The following SLIT2 variants were observed in gnomAD, a reference collection of about 807,000 sequenced individuals.
SLIT2 encodes the protein slit guidance ligand 2, also known as slit homolog 2 protein.
In SLIT2, 41 loss-of-function variants were observed where a neutral mutation model predicts 185.7. The observed-to-expected ratio is 0.22, with a 90% CI of 0.17 to 0.29. SLIT2 has a LOEUF of 0.29. Ranked by LOEUF, SLIT2 falls within the 10% of genes least tolerant of loss-of-function variation. The pLI, the probability that SLIT2 is intolerant of heterozygous loss-of-function variation, is 1.00. For missense variants in SLIT2, 1,571 were observed against 1,909.0 expected, an observed-to-expected ratio of 0.82 and a Z score of 3.30; for synonymous variants, 693 against 680.2, an observed-to-expected ratio of 1.02 and a Z score of -0.29.
At chr4:20,583,265 TC>T (rs1159078299) in intron 29 of SLIT2, among the ~76,000 whole-genome samples, 2 of 152,110 alleles carry the variant, frequency 1.3e-5, no homozygotes, top group Non-Finnish European at 2.9e-5. Flanking sequence ...TTGGTAGAGG[TC>T]CCCATTCATA....
At chr4:20,333,281 GCTAA>G (rs1189457599) in intron 4 of SLIT2, among the ~76,000 whole-genome samples, 1 of 152,086 alleles carries the variant, frequency 6.6e-6, no homozygotes, top group Non-Finnish European at 1.5e-5. Context: ...TTGGATCTGT[GCTAA>G]CTTTCTCGTC....
At chr4:20,480,259 G>GCT (rs1381458288) in intron 5 of SLIT2, among the ~76,000 whole-genome samples, 1 of 152,140 alleles carries the variant, frequency 6.6e-6, no homozygotes, top group Non-Finnish European at 1.5e-5. Flanking sequence ...AAGTAGTCTT[G>GCT]CTCTCTCATG....
chr4:20,268,850 C>A lies in SLIT2; in HGVS notation c.364C>A (p.Leu122Met). ...RNHLQLFPEL[L>M]FLGTAKLYRL... Reference sequence around the variant, plus strand: ...TCACCTTCAGCTGTTTCCTGAGTTGCTGTTTCTTGGGACTGCGAAGCTATA... The same window carrying A: ...TCACCTTCAGCTGTTTCCTGAGTTGATGTTTCTTGGGACTGCGAAGCTATA... The change falls in exon 4 of 37, where the codon CTG becomes ATG. Residue 122 changes from leucine to methionine, a missense_variant. This residue lies in a region of SLIT2 where 1,202 missense variants were observed against 1,416.4 expected (regional missense o/e 0.85). Coordinates refer to ENST00000504154, the MANE Select transcript of SLIT2 (RefSeq NM_004787.4). 6.2e-7 allele frequency: 1 copy of A among 1,611,016 alleles called. No individual in the cohort carries two copies. The highest frequency in any genetic ancestry group is 2.2e-5 in the East Asian group (1 of 44,796).
At chr4:20,470,725 G>A (rs10002956) in intron 5 of SLIT2, among the ~76,000 whole-genome samples, 52 of 152,072 alleles carry the variant, frequency 3.4e-4, no homozygotes, top group African/African-American at 1.2e-3. Flanking sequence ...ATGGGTGCCC[G>A]CCACCATACC....
Position 20,257,944 on chromosome 4 carries a change from G to T in SLIT2, c.323+5G>T. 7.3e-7 allele frequency: 1 copy of T among 1,379,222 alleles called. No individual in the cohort carries two copies. 85.4% of individuals were successfully genotyped at this position (1,379,222 alleles called of 1,614,324 possible). On this transcript the variant is annotated splice_donor_5th_base_variant and intron_variant, in intron 3 of 36. Coordinates refer to ENST00000504154, the MANE Select transcript of SLIT2 (RefSeq NM_004787.4). The stretch of plus-strand genomic sequence containing the variant: ...TCTTAAAGAACTAGAGAGACTGTAA[G>T]TATTTTCAATTCCAAAGTTATGACA...
chr4:20,323,585 A>C (rs1200124141), intron 4 of SLIT2, among the ~76,000 whole-genome samples: 1 of 152,204 alleles, frequency 6.6e-6, no homozygotes, highest in Non-Finnish European at 1.5e-5. Flanking sequence ...AGAAAACAGT[A>C]GAATATAACA....
chr4:20,617,242 T>A (rs377231525), intron 35 of SLIT2, 44 bp downstream of exon 35: 1 of 1,258,928 alleles, frequency 7.9e-7, no homozygotes, highest in Non-Finnish European at 1.0e-6. Flanking sequence ...CCTGAAAGCC[T>A]CAAAGCCAAA....
chr4:20,455,459 A>G (rs961385348), intron 4 of SLIT2, among the ~76,000 whole-genome samples: 1 of 152,172 alleles, frequency 6.6e-6, no homozygotes, highest in African/African-American at 2.4e-5. Context: ...AAGAGCTGCA[A>G]AGGAACCAAA....
chr4:20,265,429 T>A (rs1712929428), intron 3 of SLIT2, among the ~76,000 whole-genome samples: 1 of 151,960 alleles, frequency 6.6e-6, no homozygotes. Context: ...AAATGTGTAT[T>A]GATACTGCTT....
chr4:20,619,041 G>A lies in SLIT2; in HGVS notation c.*32G>A, dbSNP rs1402760899. ...TCCCGGCAGCTCTGTCTTTGGAAAAGGTTGTATACTTCTTGACCGTGTGGG... is the reference window on the plus strand; with the variant it reads ...TCCCGGCAGCTCTGTCTTTGGAAAAAGTTGTATACTTCTTGACCGTGTGGG... On this transcript the variant is annotated 3_prime_UTR_variant, in exon 37 of 37. Transcript: ENST00000504154. The A allele has an allele frequency of 6.3e-7, 1 of 1,596,962 alleles. No homozygotes were observed. The highest frequency in any genetic ancestry group is 8.6e-7 in the Non-Finnish European group (1 of 1,166,402).
At chr4:20,617,682 T>G in intron 36 of SLIT2, 32 bp downstream of exon 36, 5 of 1,536,804 alleles carry the variant, frequency 3.3e-6, no homozygotes, top group Non-Finnish European at 4.5e-6. Flanking sequence ...CCTCATTCTC[T>G]TGGCAAAGCA....
intron 23 of SLIT2, among the ~76,000 whole-genome samples, 198 bp downstream of exon 23, chr4:20,548,757 A>G (rs1577905379): frequency 6.6e-6 from 1 of 152,236 alleles, no homozygotes; most frequent in East Asian, 1.9e-4. Context: ...AAAACAAAGA[A>G]TAATTTGTGT....
chr4:20,395,442 T>C (rs1024504930), intron 4 of SLIT2, among the ~76,000 whole-genome samples: 9 of 152,036 alleles, frequency 5.9e-5, no homozygotes, highest in Non-Finnish European at 1.3e-4. Context: ...GATATGGATT[T>C]TATTCAATAG....
At chr4:20,279,356 C>T (rs1714497595) in intron 4 of SLIT2, among the ~76,000 whole-genome samples, 3 of 152,218 alleles carry the variant, frequency 2.0e-5, no homozygotes, top group Admixed American at 2.0e-4. Flanking sequence ...CTCAAGCAAG[C>T]AGATTTTCCC....
At chr4:20,472,880 C>T (rs531555392) in intron 5 of SLIT2, among the ~76,000 whole-genome samples, 1 of 151,110 alleles carries the variant, frequency 6.6e-6, no homozygotes, top group South Asian at 2.1e-4. Context: ...TTTCAAAAGT[C>T]TTTTGTTTTT....
intron 4 of SLIT2, among the ~76,000 whole-genome samples, chr4:20,305,773 C>T (rs1577400225): frequency 1.3e-5 from 2 of 151,134 alleles, no homozygotes; most frequent in Admixed American, 6.6e-5. Context: ...CTTGGGAGGC[C>T]GAGGCAGGAG....
At chr4:20,581,536 T>C (rs943333536) in intron 29 of SLIT2, among the ~76,000 whole-genome samples, 1 of 152,098 alleles carries the variant, frequency 6.6e-6, no homozygotes, top group African/African-American at 2.4e-5. Context: ...ACCCAAATCA[T>C]AGACATTCTA....
intron 5 of SLIT2, among the ~76,000 whole-genome samples, chr4:20,472,387 TAG>T (rs1715353369): frequency 2.9e-4 from 5 of 17,376 alleles, no homozygotes; most frequent in African/African-American, 6.4e-4. Flanking sequence ...TATATATATG[TAG>T]ATATATAGAT....
At chr4:20,608,275 A>T (rs1728943612) in intron 33 of SLIT2, among the ~76,000 whole-genome samples, 1 of 152,084 alleles carries the variant, frequency 6.6e-6, no homozygotes, top group Admixed American at 6.5e-5. Flanking sequence ...TAACTTATCT[A>T]AAACAAACAC....
Sources: gnomAD v4.1 joint callset for allele counts (sites outside exome capture counted in the v4.1 genomes callset) on GRCh38, gnomAD v4.1.1 for gene constraint, gnomAD v4.1.1 regional missense constraint, MANE v1.5 for transcripts, NCBI Gene and HGNC (gene_info 2026-07-23, HGNC 2026-07-21) for gene names.